TMEM8B: variants seen among roughly 807,000 people sequenced by gnomAD.
TMEM8B encodes nasopharyngeal carcinoma expressed 6.
Under a neutral mutation model 49.3 loss-of-function variants are expected in TMEM8B, and 29 were observed. The observed-to-expected ratio is 0.59, with a 90% CI of 0.44 to 0.80. TMEM8B has a LOEUF of 0.80. TMEM8B is among the 30% of genes least tolerant of loss of function. The pLI, the probability that TMEM8B is intolerant of heterozygous loss-of-function variation, is 0.00. For missense variants in TMEM8B, 575 were observed against 658.5 expected, an observed-to-expected ratio of 0.87 and a Z score of 1.39; for synonymous variants, 264 against 272.8, an observed-to-expected ratio of 0.97 and a Z score of 0.32.
At chr9:35,848,386 T>G (rs979568674) in intron 10 of TMEM8B, among the ~76,000 whole-genome samples, 2 of 152,218 alleles carry the variant, frequency 1.3e-5, no homozygotes, top group Non-Finnish European at 2.9e-5. Context: ...CAGCAACAGC[T>G]GTTCTACCAG....
At position 35,841,831 on chromosome 9, in the gene TMEM8B, A is replaced by G. The variant is rs770923312; in HGVS notation, c.1309+37A>G. 1.9e-5 allele frequency: 8 copies of G among 415,034 alleles called. No homozygotes were observed. The highest frequency in any genetic ancestry group is 3.5e-5 in the Non-Finnish European group (8 of 226,182). The allele number at this position is 415,034 out of a possible 1,614,324, so 25.7% of individuals were successfully genotyped here. Reference sequence around the variant, plus strand: ...TGCATTTGCCCCAGTCTGTGTAGACATCTGTGGTTGGGAAGTGACTTGGGT... The same window carrying G: ...TGCATTTGCCCCAGTCTGTGTAGACGTCTGTGGTTGGGAAGTGACTTGGGT... On this transcript the variant is annotated intron_variant, in intron 5 of 12. Coordinates refer to ENST00000643932, the MANE Select transcript of TMEM8B (RefSeq NM_001042590.4). The surrounding 1 kb of genome is among the most constrained non-coding windows in gnomAD (Gnocchi z 5.9).
Position 35,856,544 on chromosome 9 carries a change from G to A in TMEM8B, c.*2704G>A, listed in dbSNP as rs1832552896. On this transcript the variant is annotated 3_prime_UTR_variant, in exon 13 of 13. Transcript: ENST00000643932. The stretch of plus-strand genomic sequence containing the variant: ...TAAGCAGGAGAGGAACATCAGATTG[G>A]GGTTTTGATGGCTGGGGCAGAGGAT... 1 of 152,278 alleles carries A rather than the reference G, an allele frequency of 6.6e-6. No individual in the cohort carries two copies. Among genetic ancestry groups the A allele is most frequent in the Non-Finnish European group, 1.5e-5 (1 of 68,086 alleles). 9.4% of individuals were successfully genotyped at this position (152,278 alleles called of 1,614,324 possible). A position where few individuals can be genotyped will look rare whatever the true frequency, so the allele number is the denominator to read the frequency against.
chr9:35,835,695 A>C (rs1456537980), intron 3 of TMEM8B, among the ~76,000 whole-genome samples: 1 of 152,204 alleles, frequency 6.6e-6, no homozygotes, highest in Non-Finnish European at 1.5e-5. Context: ...TCATAATTTC[A>C]GACAGCTTCC....
At chr9:35,837,863 G>T (rs1232136177) in intron 3 of TMEM8B, among the ~76,000 whole-genome samples, 1 of 152,082 alleles carries the variant, frequency 6.6e-6, no homozygotes, top group Non-Finnish European at 1.5e-5. Flanking sequence ...TTGCCAGTCT[G>T]CTCTGGGGGG....
In TMEM8B at chr9:35,853,165, C is replaced by G; in HGVS notation, c.2347C>G (p.Leu783Val). 1 of 1,614,130 alleles carries G rather than the reference C, an allele frequency of 6.2e-7. No individual in the cohort carries two copies. The highest frequency in any genetic ancestry group is 8.5e-7 in the Non-Finnish European group (1 of 1,179,952). Reference sequence around the variant, plus strand: ...GGTGCTGTATTTGCTGGGAGCTATGCTGCTGTCCATGGCTCTGCAGCTTGA... The same window carrying G: ...GGTGCTGTATTTGCTGGGAGCTATGGTGCTGTCCATGGCTCTGCAGCTTGA... ...KQVLYLLGAM[L>V]LSMALQLDRH... The change falls in exon 12 of 13, where the codon CTG becomes GTG. Residue 783 changes from leucine (L) to valine (V), a missense_variant. Physicochemically the swap from Leu to Val is conservative, Grantham distance 32. Transcript: ENST00000643932. This position sits in a 1 kb window ranked among gnomAD's most constrained non-coding sequence, Gnocchi z 4.2.
intron 1 of TMEM8B, among the ~76,000 whole-genome samples, chr9:35,833,508 GAC>G: frequency 6.6e-6 from 1 of 152,100 alleles, no homozygotes; most frequent in Non-Finnish European, 1.5e-5. Context: ...GCTAGCTGCT[GAC>G]ACAACTTCTG....
intron 8 of TMEM8B, 39 bp from the exon 9 acceptor site, chr9:35,846,430 G>A (rs781187022): frequency 9.6e-5 from 154 of 1,598,862 alleles, no homozygotes; most frequent in Non-Finnish European, 1.2e-4. Context: ...CTTGGCGGGG[G>A]TGGCCCGGGG....
intron 10 of TMEM8B, chr9:35,847,375 C>T (rs544187659): frequency 1.3e-5 from 8 of 596,104 alleles, no homozygotes; most frequent in African/African-American, 1.3e-4. Flanking sequence ...TATGCTTTCC[C>T]CCACACCTCT....
chr9:35,843,274 T>C (rs1014165931), intron 6 of TMEM8B, among the ~76,000 whole-genome samples: 3 of 152,176 alleles, frequency 2.0e-5, no homozygotes, highest in East Asian at 1.9e-4. Context: ...AGCACAAAGT[T>C]CTCATATACC....
Position 35,860,579 on chromosome 9 carries a change from T to C in TMEM8B, c.*6739T>C, listed in dbSNP as rs552981854. ...TGCTCACCTAGTGTTCCTTGGGCCA[T>C]GAAGATCAAATATTTCAGCCCCATA... On this transcript the variant is annotated 3_prime_UTR_variant, in exon 13 of 13. Coordinates refer to ENST00000643932, the MANE Select transcript of TMEM8B (RefSeq NM_001042590.4). 1 of 152,302 alleles carries C rather than the reference T, an allele frequency of 6.6e-6. No homozygotes were observed. The highest frequency in any genetic ancestry group is 6.5e-5 in the Admixed American group (1 of 15,294). The allele number at this position is 152,302 out of a possible 1,614,324, so 9.4% of individuals were successfully genotyped here.
In TMEM8B at chr9:35,835,144, G is replaced by A. The variant is rs901641684; in HGVS notation, c.832G>A (p.Val278Ile). 2.9e-5 allele frequency: 12 copies of A among 415,716 alleles called. No homozygotes were observed. The highest frequency in any genetic ancestry group is 4.4e-5 in the Admixed American group (1 of 22,732). The allele number at this position is 415,716 out of a possible 1,614,324, so 25.8% of individuals were successfully genotyped here. Residue 278 changes from valine (V) to isoleucine (I), a missense_variant, in exon 3 of 13, where the codon GTC becomes ATC. Coordinates refer to ENST00000643932, the MANE Select transcript of TMEM8B (RefSeq NM_001042590.4). Reference sequence around the variant, plus strand: ...CAACCGCACCTCAGGCATCTTTAACGTCAGCAGCCCCTTACCTGGGGACTG... The same window carrying A: ...CAACCGCACCTCAGGCATCTTTAACATCAGCAGCCCCTTACCTGGGGACTG... ...LPNRTSGIFN[V>I]SSPLPGDWFL...
intron 3 of TMEM8B, among the ~76,000 whole-genome samples, chr9:35,840,726 AC>A (rs1830895379): frequency 6.6e-6 from 1 of 152,152 alleles, no homozygotes; most frequent in South Asian, 2.1e-4. Flanking sequence ...ACTCCACCCC[AC>A]TTTGCCTAAA....
intron 3 of TMEM8B, among the ~76,000 whole-genome samples, chr9:35,836,240 G>A (rs1830435295): frequency 6.6e-6 from 1 of 152,180 alleles, no homozygotes; most frequent in South Asian, 2.1e-4. Context: ...TGAGAGTGAT[G>A]TGGATGTGCA....
Position 35,842,730 on chromosome 9 carries a change from G to A in TMEM8B, c.1635+13G>A. On this transcript the variant is annotated intron_variant, in intron 6 of 12. Transcript: ENST00000643932. The surrounding 1 kb of genome is among the most constrained non-coding windows in gnomAD (Gnocchi z 5.6). The stretch of plus-strand genomic sequence containing the variant: ...CCAGCTCAATGCGGTACTCTTTATG[G>A]AGAGTGGGGAGGTTGCTCTGCCAGG... 6.3e-7 allele frequency: 1 copy of A among 1,597,136 alleles called. No individual in the cohort carries two copies. Among genetic ancestry groups the A allele is most frequent in the Non-Finnish European group, 8.6e-7 (1 of 1,169,440 alleles).
At position 35,837,426 on chromosome 9, in the gene TMEM8B, G is replaced by A. The variant is rs563975701; in HGVS notation, c.906+2208G>A. Among the ~76,000 whole-genome samples, 3 of 152,292 alleles carry A rather than the reference G, an allele frequency of 2.0e-5. No individual in the cohort carries two copies. In the South Asian group the frequency reaches 6.2e-4, roughly 32 times the overall value. On this transcript the variant is annotated intron_variant, in intron 3 of 12. Transcript: ENST00000643932. ...AAGCGGTGAGGTCTGAGGTTGAGAAGGCAGGGAAGGGCATTCCAGGTGGTG... is the reference window on the plus strand; with the variant it reads ...AAGCGGTGAGGTCTGAGGTTGAGAAAGCAGGGAAGGGCATTCCAGGTGGTG...
intron 3 of TMEM8B, among the ~76,000 whole-genome samples, chr9:35,839,157 A>C (rs779619776): frequency 2.0e-5 from 3 of 152,242 alleles, no homozygotes; most frequent in Non-Finnish European, 4.4e-5. Flanking sequence ...GGCACTGGCC[A>C]GCCCACTCAG....
chr9:35,848,964 C>T (rs1193168048), intron 10 of TMEM8B, among the ~76,000 whole-genome samples: 4 of 152,172 alleles, frequency 2.6e-5, no homozygotes, highest in Non-Finnish European at 5.9e-5. Context: ...TGAGCCACTG[C>T]GCCGGGCCAA....
intron 1 of TMEM8B, among the ~76,000 whole-genome samples, chr9:35,833,984 C>T (rs1337334872): frequency 6.6e-6 from 1 of 151,568 alleles, no homozygotes; most frequent in Non-Finnish European, 1.5e-5. Context: ...CCAAGCCCCA[C>T]AGGTGGAGTT....
intron 1 of TMEM8B, among the ~76,000 whole-genome samples, chr9:35,832,687 T>C (rs1338924998): frequency 6.6e-6 from 1 of 152,192 alleles, no homozygotes; most frequent in Non-Finnish European, 1.5e-5. Context: ...TAGCAATGGT[T>C]GATCAGATGA....
Sources: allele counts gnomAD v4.1 joint callset (sites outside exome capture counted in the v4.1 genomes callset), GRCh38; gene constraint gnomAD v4.1.1; non-coding constraint Gnocchi (gnomAD v3.1); transcripts MANE v1.5; gene names NCBI Gene and HGNC (gene_info 2026-07-23, HGNC 2026-07-21).